PLEKHG1: variants seen among roughly 807,000 people sequenced by gnomAD.
PLEKHG1 encodes the protein pleckstrin homology and RhoGEF domain containing G1, also known as pleckstrin homology domain-containing family G member 1.
A neutral mutation model predicts 100.8 loss-of-function variants in PLEKHG1; 44 were observed. The ratio of observed to expected loss-of-function variants is 0.44; its 90% CI spans 0.34 to 0.56. PLEKHG1 has a LOEUF of 0.56. PLEKHG1 is among the 20% of genes least tolerant of loss of function. The probability of loss-of-function intolerance (pLI) is 0.01; values close to 1 mark genes in which losing one functional copy is unlikely to be tolerated. For synonymous variants in PLEKHG1, 640 were observed against 662.5 expected, an observed-to-expected ratio of 0.97 and a Z score of 0.52; for missense variants, 1,545 against 1,720.9, an observed-to-expected ratio of 0.90 and a Z score of 1.81.
At chr6:150,835,016 C>T (rs1370291847) in intron 15 of PLEKHG1, among the ~76,000 whole-genome samples, 1 of 152,024 alleles carries the variant, frequency 6.6e-6, no homozygotes, top group Non-Finnish European at 1.5e-5. Flanking sequence ...CAGACTTCTC[C>T]GTGTGGGCCT....
rs954940603 is a variant in PLEKHG1, at chr6:150,734,106, C to T, written c.411+14C>T. The T allele has an allele frequency of 7.5e-6, 12 of 1,590,256 alleles. No individual in the cohort carries two copies. Among genetic ancestry groups the T allele is most frequent in the African/African-American group, 6.8e-5 (5 of 74,014 alleles). ...AGCATCGTAGAGGTAAGACCGACTT[C>T]GCTTTTAATGTTTGCCATGCAGGAG... On this transcript the variant is annotated intron_variant, in intron 2 of 15. Coordinates refer to ENST00000358517, the Ensembl canonical transcript of PLEKHG1.
chr6:150,831,494 G>T lies in PLEKHG1; in HGVS notation c.2383G>T (p.Asp795Tyr), dbSNP rs1190498581. 6.2e-7 allele frequency: 1 copy of T among 1,614,042 alleles called. No individual in the cohort carries two copies. The highest frequency in any genetic ancestry group is 1.7e-5 in the Admixed American group (1 of 59,998). Residue 795 changes from aspartate to tyrosine, a missense_variant, in exon 15 of 16, where the codon GAC becomes TAC. By Grantham distance (160) the Asp-to-Tyr change is radical (BLOSUM62 -3). Transcript: ENST00000358517. This position sits in a 1 kb window ranked among gnomAD's most constrained non-coding sequence, Gnocchi z 4.1. Reference sequence around the variant, plus strand: ...CCAAGACAGCCTCCAGCTCAGTGAGGACGAAGCCCCTTACCATCAGGCCAC... The same window carrying T: ...CCAAGACAGCCTCCAGCTCAGTGAGTACGAAGCCCCTTACCATCAGGCCAC...
intron 6 of PLEKHG1, 35 bp from the exon 8 acceptor site, chr6:150,804,574 GA>G (rs549474947): frequency 0.016 from 18,627 of 1,139,068 alleles, 18 homozygotes; most frequent in African/African-American, 0.021. Flanking sequence ...AAAATAAAAT[GA>G]AAAAAAAAAA....
At chr6:150,704,532 A>G (rs1184264955) in intron 3 of PLEKHG1, among the ~76,000 whole-genome samples, 1 of 152,230 alleles carries the variant, frequency 6.6e-6, no homozygotes, top group Admixed American at 6.5e-5. Flanking sequence ...CAGGTGGAGT[A>G]AGGGGCTGCA....
At chr6:150,610,503 A>T (rs1416737603) in intron 1 of PLEKHG1, among the ~76,000 whole-genome samples, 2 of 152,236 alleles carry the variant, frequency 1.3e-5, no homozygotes, top group African/African-American at 4.8e-5. Context: ...AAACAAAATA[A>T]TTTTTCTTTT....
chr6:150,785,034 A>T (rs528187579), intron 3 of PLEKHG1, among the ~76,000 whole-genome samples: 4 of 84,482 alleles, frequency 4.7e-5, no homozygotes, highest in South Asian at 9.1e-4. Flanking sequence ...CTCTAAAATT[A>T]AAAAAAAAAA....
chr6:150,805,102 A>G (rs1180489654), intron 7 of PLEKHG1, among the ~76,000 whole-genome samples: 1 of 151,798 alleles, frequency 6.6e-6, no homozygotes, highest in African/African-American at 2.4e-5. Flanking sequence ...CGGCCTGCCA[A>G]TTTTGTATTT....
intron 3 of PLEKHG1, among the ~76,000 whole-genome samples, chr6:150,655,315 C>G (rs982502400): frequency 6.6e-6 from 1 of 152,182 alleles, no homozygotes; most frequent in Non-Finnish European, 1.5e-5. Flanking sequence ...TCATTCTACT[C>G]TAAAAACACA....
chr6:150,733,874 A>T, exon 2 of PLEKHG1: 1 of 1,614,216 alleles, frequency 6.2e-7, no homozygotes, highest in Non-Finnish European at 8.5e-7. Context: ...GTTTTCCAGC[A>T]GCGAGCTGCA....
chr6:150,708,088 A>AAGG (rs1781098609), intron 3 of PLEKHG1, among the ~76,000 whole-genome samples: 1 of 152,166 alleles, frequency 6.6e-6, no homozygotes, highest in Non-Finnish European at 1.5e-5. Context: ...CTTATGGGAA[A>AAGG]AGGATTCCTC....
chr6:150,742,136 A>G (rs1216485936), intron 2 of PLEKHG1, among the ~76,000 whole-genome samples: 7 of 152,242 alleles, frequency 4.6e-5, no homozygotes, highest in Non-Finnish European at 5.9e-5. Context: ...TGGGTAATTT[A>G]TGAAGAAAAG....
intron 10 of PLEKHG1, among the ~76,000 whole-genome samples, chr6:150,816,948 C>CA (rs1775995781): frequency 6.6e-6 from 1 of 152,162 alleles, no homozygotes; most frequent in Non-Finnish European, 1.5e-5. Flanking sequence ...CTATGAGTAT[C>CA]TAATGCTGCC....
chr6:150,657,725 C>G (rs548619019), intron 3 of PLEKHG1, among the ~76,000 whole-genome samples: 2 of 152,282 alleles, frequency 1.3e-5, no homozygotes, highest in South Asian at 2.1e-4. Flanking sequence ...AATGTCATAG[C>G]CCCATGCAGT....
chr6:150,792,537 G>T (rs545397426), intron 4 of PLEKHG1, among the ~76,000 whole-genome samples: 1 of 151,806 alleles, frequency 6.6e-6, no homozygotes, highest in Non-Finnish European at 1.5e-5. Flanking sequence ...AGCTGGGTGT[G>T]GTGGTGAGTG....
intron 14 of PLEKHG1, among the ~76,000 whole-genome samples, chr6:150,824,874 G>A (rs915508737): frequency 3.3e-5 from 5 of 152,050 alleles, no homozygotes; most frequent in African/African-American, 4.8e-5. Context: ...TGAGGTGTGC[G>A]CATTTTTTTT....
chr6:150,673,506 T>C (rs773243837), intron 3 of PLEKHG1, among the ~76,000 whole-genome samples: 30 of 152,186 alleles, frequency 2.0e-4, no homozygotes, highest in Admixed American at 1.2e-3. Context: ...GCTCACCAGA[T>C]TCTAGAGCAT....
intron 1 of PLEKHG1, among the ~76,000 whole-genome samples, chr6:150,618,886 T>C (rs1161125965): frequency 6.6e-6 from 1 of 152,134 alleles, no homozygotes; most frequent in Non-Finnish European, 1.5e-5. Flanking sequence ...CGAGACTAGC[T>C]TGGACAGCAT....
At chr6:150,710,515 T>C (rs1210079252) in intron 3 of PLEKHG1, among the ~76,000 whole-genome samples, 1 of 152,032 alleles carries the variant, frequency 6.6e-6, no homozygotes, top group Non-Finnish European at 1.5e-5. Flanking sequence ...GCCCACTGTC[T>C]GGAGGAGAAA....
chr6:150,726,969 G>A (rs977678249), intron 1 of PLEKHG1, among the ~76,000 whole-genome samples: 3 of 152,124 alleles, frequency 2.0e-5, no homozygotes, highest in Non-Finnish European at 4.4e-5. Context: ...CAACGTTGAG[G>A]CTCTAACAAA....
Sources: allele counts gnomAD v4.1 joint callset (sites outside exome capture counted in the v4.1 genomes callset), GRCh38; gene constraint gnomAD v4.1.1; non-coding constraint Gnocchi (gnomAD v3.1); transcripts MANE v1.5; gene names NCBI Gene and HGNC (gene_info 2026-07-23, HGNC 2026-07-21).